Variants in ZC3H14 observed in about 807,000 individuals in gnomAD.
ZC3H14 encodes zinc finger CCCH-type containing 14.
In ZC3H14, 31 loss-of-function variants were observed where a neutral mutation model predicts 92.4. The observed-to-expected ratio is 0.34, with a 90% CI of 0.25 to 0.45. ZC3H14 has a LOEUF of 0.45. Ranked by LOEUF, ZC3H14 falls within the 20% of genes least tolerant of loss-of-function variation. The pLI is 1.00. For synonymous variants in ZC3H14, 321 were observed against 300.9 expected (o/e 1.07, Z -0.69); for missense variants, 781 against 897.3 (o/e 0.87, Z 1.66).
intron 6 of ZC3H14, 151 bp from the exon 7 acceptor site, chr14:88,574,542 C>T (rs2080912484): frequency 1.0e-6 from 1 of 963,658 alleles, no homozygotes; most frequent in Non-Finnish European, 1.6e-6. Context: ...CACACCCAGC[C>T]TCATATTTAT....
intron 14 of ZC3H14, 125 bp downstream of exon 14, chr14:88,609,528 A>G (rs1018196145): frequency 1.3e-5 from 20 of 1,490,792 alleles, no homozygotes; most frequent in African/African-American, 9.7e-5. Context: ...AGTTAATCCA[A>G]CCAGTCTTTA....
Position 88,607,239 on chromosome 14 carries a change from G to A in ZC3H14, c.1748-4G>A, listed in dbSNP as rs1361497676. 6.2e-7 allele frequency: 1 copy of A among 1,613,932 alleles called. No homozygotes were observed. Among genetic ancestry groups the A allele is most frequent in the South Asian group, 1.1e-5 (1 of 91,076 alleles). ...AAATACTTTTATTTCCTTTCCCTTT[G>A]TAGCTGAGATGAGTGAACTGAGTGT... On this transcript the variant is annotated splice_region_variant and splice_polypyrimidine_tract_variant and intron_variant, in intron 12 of 16. Coordinates refer to ENST00000251038, the MANE Select transcript of ZC3H14 (RefSeq NM_024824.5).
At chr14:88,586,927 G>A (rs1239558668) in intron 9 of ZC3H14, among the ~76,000 whole-genome samples, 1 of 152,026 alleles carries the variant, frequency 6.6e-6, no homozygotes, top group Non-Finnish European at 1.5e-5. Context: ...TCTCCGTGTT[G>A]TAATAATATG....
intron 12 of ZC3H14, 110 bp from the exon 13 acceptor site, chr14:88,607,131 CTG>C: frequency 6.6e-7 from 1 of 1,509,916 alleles, no homozygotes; most frequent in Admixed American, 1.8e-5. Context: ...TTTTATATGA[CTG>C]TACATTTAAC....
chr14:88,575,471 T>C (rs1004322546), intron 7 of ZC3H14, among the ~76,000 whole-genome samples: 1 of 152,018 alleles, frequency 6.6e-6, no homozygotes, highest in Non-Finnish European at 1.5e-5. Flanking sequence ...GGCAGGAGGA[T>C]TGCTTGAGAC....
chr14:88,581,984 A>G (rs2081962677), intron 9 of ZC3H14, among the ~76,000 whole-genome samples: 1 of 152,350 alleles, frequency 6.6e-6, no homozygotes, highest in East Asian at 1.9e-4. Flanking sequence ...AGGAGTTGGC[A>G]TCTGTTGGAA....
rs1405918263 is a variant in ZC3H14 at position 88,624,977 on chromosome 14, C to T, written c.*13226C>T. 1.9e-6 allele frequency: 3 copies of T among 1,613,376 alleles called. No homozygotes were observed. Among genetic ancestry groups the T allele is most frequent in the East Asian group, 2.2e-5 (1 of 44,876 alleles). ...AAAAGAAAGAGGACTCACGGCCTTT[C>T]CTTTCCCCCAGTCACGATAAGTCCA... is the stretch of plus-strand genomic sequence containing the variant. On this transcript the variant is annotated 3_prime_UTR_variant, in exon 17 of 17. Coordinates refer to ENST00000251038, the MANE Select transcript of ZC3H14 (RefSeq NM_024824.5).
intron 9 of ZC3H14, among the ~76,000 whole-genome samples, chr14:88,595,616 G>C (rs2083705342): frequency 6.6e-6 from 1 of 152,144 alleles, no homozygotes; most frequent in African/African-American, 2.4e-5. Flanking sequence ...GGAAGGAATT[G>C]ACTTTTTTGG....
chr14:88,570,548 T>A (rs2080252821), intron 3 of ZC3H14, among the ~76,000 whole-genome samples: 1 of 152,188 alleles, frequency 6.6e-6, no homozygotes, highest in Admixed American at 6.5e-5. Flanking sequence ...GCTGCTTAAA[T>A]GGTGGTAATA....
In ZC3H14 at chr14:88,618,309, C is replaced by T. The variant is rs758575543; in HGVS notation, c.*6558C>T. On this transcript the variant is annotated 3_prime_UTR_variant, in exon 17 of 17. Coordinates refer to ENST00000251038, the MANE Select transcript of ZC3H14 (RefSeq NM_024824.5). ...TCCTGAAGGCACTTCATAGACATGC[C>T]GTTTATAGCAGCCACTAGAGACCTT... 9 of 1,613,454 alleles carry T rather than the reference C, an allele frequency of 5.6e-6. No homozygotes were observed. The highest frequency in any genetic ancestry group is 3.3e-5 in the Admixed American group (2 of 59,988).
At chr14:88,563,772 AC>A (rs950417096) in intron 2 of ZC3H14, 79 bp downstream of exon 2, 1 of 1,381,774 alleles carries the variant, frequency 7.2e-7, no homozygotes, top group African/African-American at 1.4e-5. Context: ...CGTATTTCTC[AC>A]CGTACTTTGG....
chr14:88,577,584 T>G (rs2081335039), intron 8 of ZC3H14, among the ~76,000 whole-genome samples: 1 of 152,090 alleles, frequency 6.6e-6, no homozygotes, highest in Admixed American at 6.5e-5. Flanking sequence ...CTTTTTTTTT[T>G]GGAGACAGAG....
intron 6 of ZC3H14, among the ~76,000 whole-genome samples, chr14:88,574,079 C>A (rs1002538519): frequency 6.6e-6 from 1 of 152,088 alleles, no homozygotes; most frequent in African/African-American, 2.4e-5. Context: ...GGGTTTCAAT[C>A]AATTTTAGAT....
intron 15 of ZC3H14, among the ~76,000 whole-genome samples, chr14:88,610,469 T>G (rs550537341): frequency 6.6e-6 from 1 of 152,256 alleles, no homozygotes; most frequent in South Asian, 2.1e-4. Flanking sequence ...TGGAATCTCT[T>G]ACTCTGTTAA....
At position 88,621,069 on chromosome 14, in the gene ZC3H14, T is replaced by G; in HGVS notation, c.*9318T>G. The stretch of plus-strand genomic sequence containing the variant: ...GCAATTTAGAACTTCCAACTTTTCT[T>G]TTTAGAAGTTGTAACCTCTTTTAAA... On this transcript the variant is annotated 3_prime_UTR_variant, in exon 17 of 17. Transcript: ENST00000251038. 1 of 1,561,434 alleles carries G rather than the reference T, an allele frequency of 6.4e-7. No individual in the cohort carries two copies. Among genetic ancestry groups the G allele is most frequent in the Middle Eastern group, 1.7e-4 (1 of 5,848 alleles).
chr14:88,578,265 T>A, intron 9 of ZC3H14, 125 bp downstream of exon 9: 1 of 1,361,282 alleles, frequency 7.3e-7, no homozygotes, highest in South Asian at 1.3e-5. Flanking sequence ...AGAAATAGAA[T>A]GAGAAGAATA....
At position 88,574,816 on chromosome 14, in the gene ZC3H14, T is replaced by C; in HGVS notation, c.985T>C (p.Ser329Pro). The change falls in exon 7 of 17, where the codon TCC (serine) becomes CCC (proline). Residue 329 changes from serine to proline, a missense_variant. Transcript: ENST00000251038. The stretch of plus-strand genomic sequence containing the variant: ...TTACGGGTCTCGAACAGGAAGCATC[T>C]CCAGCAGTGTGTCTGTGCCTGCAAA... ...DDYGSRTGSI[S>P]SSVSVPAKPE... The C allele has an allele frequency of 6.2e-7, 1 of 1,614,204 alleles. No homozygotes were observed. The highest frequency in any genetic ancestry group is 1.1e-5 in the South Asian group (1 of 91,088).
rs762788501 is a variant in ZC3H14 at position 88,572,778 on chromosome 14, C to T, written c.632C>T (p.Ser211Phe). The change falls in exon 6 of 17, where the codon TCT becomes TTT. Residue 211 changes from serine to phenylalanine, a missense_variant. Ser to Phe is a radical substitution (Grantham distance 155). This residue lies in a region of ZC3H14 where 454 missense variants were observed against 438.5 expected (regional missense o/e 1.04). Coordinates refer to ENST00000251038, the MANE Select transcript of ZC3H14 (RefSeq NM_024824.5). ...CTTACATATGGTTCTTCTCGCCCTT[C>T]TATTGAAATTTATCGACCACCTGCA... Reference protein sequence around the residue: ...VTLTYGSSRPSIEIYRPPASR... With the variant: ...VTLTYGSSRPFIEIYRPPASR... 6.2e-7 allele frequency: 1 copy of T among 1,614,174 alleles called. No homozygotes were observed.
intron 9 of ZC3H14, chr14:88,590,815 T>A (rs1017680933): frequency 6.6e-6 from 1 of 152,226 alleles, no homozygotes; most frequent in African/African-American, 2.4e-5. Context: ...CAGAGCAGTG[T>A]CTGGCATATA....
Sources: allele counts gnomAD v4.1 joint callset (sites outside exome capture counted in the v4.1 genomes callset), GRCh38; gene constraint gnomAD v4.1.1; regional missense constraint gnomAD v4.1.1; transcripts MANE v1.5; gene names NCBI Gene and HGNC (gene_info 2026-07-23, HGNC 2026-07-21).